The following SHANK2 variants were observed in gnomAD, a reference collection of about 807,000 sequenced individuals.
The protein encoded by SHANK2 is SH3 and multiple ankyrin repeat domains protein 2.
SHANK2 carries 43 observed loss-of-function variants against 133.7 expected under a neutral mutation model. The observed-to-expected ratio is 0.32, with a 90% CI of 0.25 to 0.41. The LOEUF (loss-of-function observed/expected upper bound fraction) is 0.41, where lower values mean the gene tolerates loss of function less well. Ranked by LOEUF, SHANK2 falls within the 10% of genes least tolerant of loss-of-function variation. The probability of loss-of-function intolerance (pLI) is 1.00; values close to 1 mark genes in which losing one functional copy is unlikely to be tolerated. For missense variants in SHANK2, 1,994 were observed against 2,235.8 expected, an observed-to-expected ratio of 0.89 and a Z score of 2.18; for synonymous variants, 1,017 against 952.8, an observed-to-expected ratio of 1.07 and a Z score of -1.24.
At chr11:70,707,939 C>G (rs73527919) in intron 14 of SHANK2, among the ~76,000 whole-genome samples, 1 of 152,192 alleles carries the variant, frequency 6.6e-6, no homozygotes, top group Non-Finnish European at 1.5e-5. Context: ...CCAGGCCAAT[C>G]ATCAGAACCT....
intron 14 of SHANK2, among the ~76,000 whole-genome samples, chr11:70,737,191 G>T (rs978158624): frequency 6.6e-6 from 1 of 152,184 alleles, no homozygotes; most frequent in African/African-American, 2.4e-5. Context: ...GCCCCCCAGG[G>T]GTAGGGGACT....
At chr11:71,153,061 G>A (rs573393642) in intron 2 of SHANK2, among the ~76,000 whole-genome samples, 5 of 152,136 alleles carry the variant, frequency 3.3e-5, no homozygotes, top group Non-Finnish European at 5.9e-5. Flanking sequence ...AACTGGATGC[G>A]CTGCGTTTTA....
At chr11:71,121,078 G>A (rs1402093486) in intron 3 of SHANK2, among the ~76,000 whole-genome samples, 1 of 152,200 alleles carries the variant, frequency 6.6e-6, no homozygotes, top group Non-Finnish European at 1.5e-5. Flanking sequence ...AATGCTAAGA[G>A]CACCACCTTG....
intron 6 of SHANK2, among the ~76,000 whole-genome samples, chr11:71,104,982 C>T (rs1186611965): frequency 6.6e-6 from 1 of 152,168 alleles, no homozygotes; most frequent in East Asian, 1.9e-4. Flanking sequence ...AAAAATGCCA[C>T]TGTGTATGAT....
chr11:70,536,922 T>C (rs782804958), intron 17 of SHANK2, among the ~76,000 whole-genome samples: 18 of 152,132 alleles, frequency 1.2e-4, no homozygotes, highest in Non-Finnish European at 2.6e-4. Context: ...GAGAGAACCA[T>C]GGGGTGAGGA....
intron 11 of SHANK2, among the ~76,000 whole-genome samples, chr11:70,884,523 C>A (rs1949707176): frequency 6.6e-6 from 1 of 152,180 alleles, no homozygotes. Context: ...CCACACCCGA[C>A]CCATGGCTGA....
chr11:71,215,997 C>T (rs1003544070), intron 2 of SHANK2, among the ~76,000 whole-genome samples: 4 of 151,898 alleles, frequency 2.6e-5, no homozygotes, highest in African/African-American at 9.7e-5. Flanking sequence ...GGGAGTGGAG[C>T]AAGTGGAGCC....
At chr11:71,240,085 T>C (rs1428133867) in intron 1 of SHANK2, among the ~76,000 whole-genome samples, 2 of 152,306 alleles carry the variant, frequency 1.3e-5, no homozygotes, top group East Asian at 3.9e-4. Flanking sequence ...TTCGGGAGAA[T>C]GAACTCCAGA....
rs1235821530 is a variant in SHANK2 at position 70,468,505 on chromosome 11, C to T, written c.*4364G>A. ...ACTTGCATGGGTTCATGGTTGTCTA[C>T]AAATACAGAAACACATTCCAGTTCG... is the stretch of plus-strand genomic sequence containing the variant. On this transcript the variant is annotated 3_prime_UTR_variant, in exon 26 of 26. Coordinates refer to ENST00000601538, the MANE Select transcript of SHANK2 (RefSeq NM_012309.5). 2 of 152,212 alleles carry T rather than the reference C, an allele frequency of 1.3e-5. No homozygotes were observed. The highest frequency in any genetic ancestry group is 2.9e-5 in the Non-Finnish European group (2 of 68,044). 9.4% of individuals were successfully genotyped at this position (152,212 alleles called of 1,614,324 possible).
At chr11:70,663,349 C>T (rs962140596) in intron 15 of SHANK2, among the ~76,000 whole-genome samples, 52 of 152,014 alleles carry the variant, frequency 3.4e-4, no homozygotes, top group African/African-American at 1.2e-3. Flanking sequence ...GGAGGAGGGA[C>T]GGGGCAAACG....
At chr11:71,067,222 G>T (rs961169093) in intron 9 of SHANK2, among the ~76,000 whole-genome samples, 1 of 152,178 alleles carries the variant, frequency 6.6e-6, no homozygotes, top group African/African-American at 2.4e-5. Context: ...CAGGTTCCCC[G>T]TGGGACACCA....
chr11:70,710,460 A>G (rs1945759056), intron 14 of SHANK2, among the ~76,000 whole-genome samples: 1 of 152,218 alleles, frequency 6.6e-6, no homozygotes, highest in Admixed American at 6.5e-5. Flanking sequence ...GCCGGAGCAT[A>G]TGAGGCCGGC....
rs115105514 is a variant in SHANK2, at chr11:71,238,772, G to A, written c.-113+13653C>T. On this transcript the variant is annotated intron_variant, in intron 1 of 25. Coordinates refer to ENST00000601538, the MANE Select transcript of SHANK2 (RefSeq NM_012309.5). ...CTTGCTCGAGTCAATCAGCAGAAGC[G>A]TTGAAGAGCTGGGGCCCTCTGTGTC... Among the ~76,000 whole-genome samples, 905 of 152,356 alleles carry A rather than the reference G, an allele frequency of 5.9e-3. 5 individuals are homozygous for A. The highest frequency in any genetic ancestry group is 0.02 in the African/African-American group (836 of 41,588).
intron 15 of SHANK2, among the ~76,000 whole-genome samples, chr11:70,688,208 C>G (rs1335546466): frequency 6.6e-6 from 1 of 152,208 alleles, no homozygotes; most frequent in African/African-American, 2.4e-5. Context: ...TGGATCCCCC[C>G]TGCAGGGCAT....
chr11:71,247,711 C>T (rs1490335769), intron 1 of SHANK2, among the ~76,000 whole-genome samples: 4 of 152,194 alleles, frequency 2.6e-5, no homozygotes, highest in Non-Finnish European at 5.9e-5. Flanking sequence ...AGCAGAATTT[C>T]TGGGACGGGG....
chr11:70,760,084 C>G (rs558916257), intron 14 of SHANK2, among the ~76,000 whole-genome samples: 1 of 152,368 alleles, frequency 6.6e-6, no homozygotes, highest in South Asian at 2.1e-4. Context: ...TTTTGACATA[C>G]AGAGCCTGAC....
At chr11:70,831,783 C>A (rs1325861867) in intron 11 of SHANK2, among the ~76,000 whole-genome samples, 1 of 152,250 alleles carries the variant, frequency 6.6e-6, no homozygotes, top group Non-Finnish European at 1.5e-5. Context: ...TCAGAAACAT[C>A]CTCGTTCAGT....
chr11:70,858,235 A>T (rs1317817655), intron 11 of SHANK2, among the ~76,000 whole-genome samples: 8 of 152,182 alleles, frequency 5.3e-5, no homozygotes, highest in African/African-American at 1.9e-4. Flanking sequence ...AGTCATCAAA[A>T]TTCACTGCCA....
intron 11 of SHANK2, among the ~76,000 whole-genome samples, chr11:70,837,975 CAA>C (rs55862093): frequency 0.019 from 478 of 25,076 alleles, 1 homozygote; most frequent in African/African-American, 0.056. Context: ...CATTCTGTCT[CAA>C]AAAAAAAAAA....
Sources: gnomAD v4.1 joint callset for allele counts (sites outside exome capture counted in the v4.1 genomes callset) on GRCh38, gnomAD v4.1.1 for gene constraint, MANE v1.5 for transcripts, NCBI Gene and HGNC (gene_info 2026-07-23, HGNC 2026-07-21) for gene names.